The following FRMPD4 variants were observed in gnomAD, a reference collection of about 807,000 sequenced individuals.
The protein encoded by FRMPD4 is FERM and PDZ domain-containing protein 4.
A neutral mutation model predicts 94.1 loss-of-function variants in FRMPD4; 22 were observed. That is an observed-to-expected ratio of 0.23 (90% CI 0.17 to 0.33). The LOEUF is 0.33. Among genes scored for constraint, FRMPD4 ranks in the 10% least tolerant of loss-of-function variants. FRMPD4 has a pLI of 1.00. For missense variants in FRMPD4, 1,111 were observed against 1,339.9 expected, an observed-to-expected ratio of 0.83 and a Z score of 2.67; for synonymous variants, 631 against 548.6, an observed-to-expected ratio of 1.15 and a Z score of -2.10.
intron 3 of FRMPD4, among the ~76,000 whole-genome samples, chrX:12,083,100 G>A (rs1427870691): frequency 8.9e-6 from 1 of 112,552 alleles, no homozygotes; most frequent in Non-Finnish European, 1.9e-5. Flanking sequence ...TGGGGAAAAT[G>A]TCTCCAGGCC....
At chrX:12,362,254 C>T (rs1322867075) in intron 1 of FRMPD4, among the ~76,000 whole-genome samples, 2 of 108,693 alleles carry the variant, frequency 1.8e-5, no homozygotes, top group African/African-American at 3.4e-5. Context: ...ATGTGCACAA[C>T]GTGCAGGTTT....
chrX:12,388,818 G>GAT (rs3068660), intron 1 of FRMPD4, among the ~76,000 whole-genome samples: 1,963 of 60,550 alleles, frequency 0.032, 32 homozygotes, highest in East Asian at 0.078. Flanking sequence ...AAGAAAATGT[G>GAT]ATATATATAT....
intron 1 of FRMPD4, among the ~76,000 whole-genome samples, chrX:12,185,795 C>T (rs1388381644): frequency 9.0e-6 from 1 of 111,643 alleles, no homozygotes; most frequent in Non-Finnish European, 1.9e-5. Flanking sequence ...ATCATTGTAA[C>T]TTTATTGCAT....
intron 3 of FRMPD4, among the ~76,000 whole-genome samples, chrX:12,034,638 C>T (rs966612925): frequency 4.8e-4 from 54 of 111,872 alleles, no homozygotes; most frequent in African/African-American, 1.8e-3. Flanking sequence ...CTAGACCATT[C>T]GTTTCCAGTC....
chrX:12,005,185 T>C (rs73190518), intron 3 of FRMPD4, among the ~76,000 whole-genome samples: 8,184 of 109,259 alleles, frequency 0.075, 286 homozygotes, highest in Non-Finnish European at 0.12. Flanking sequence ...TCTCAAACTA[T>C]AGAGTGCTTA....
rs779174395 is a variant in FRMPD4 at position 12,605,990 on chromosome X, G to T, written c.159-3731G>T. 9.7e-4 allele frequency among the ~76,000 whole-genome samples: 109 copies of T among 112,288 alleles called. 1 individual carries two copies. The highest frequency in any genetic ancestry group is 8.8e-4 in the Non-Finnish European group (47 of 53,281). On this transcript the variant is annotated intron_variant, in intron 2 of 16. Transcript: ENST00000675598. The stretch of plus-strand genomic sequence containing the variant: ...GCAATCCCAGAAATGAGAATCCAGT[G>T]GGCGTTTTACGAATTGACTAAATGA...
chrX:11,931,896 C>T (rs184668954), intron 3 of FRMPD4, among the ~76,000 whole-genome samples: 1,805 of 111,691 alleles, frequency 0.016, 16 homozygotes, highest in South Asian at 0.032. Context: ...AAGAGTTGGC[C>T]GTGTTTCAGC....
intron 2 of FRMPD4, among the ~76,000 whole-genome samples, chrX:11,875,907 G>C (rs534840015): frequency 1.3e-5 from 1 of 79,939 alleles, no homozygotes; most frequent in Non-Finnish European, 2.2e-5. Context: ...ATGGAGTCTC[G>C]CTCTGTCGCC....
intron 1 of FRMPD4, among the ~76,000 whole-genome samples, chrX:12,391,002 T>G (rs778427646): frequency 8.9e-6 from 1 of 112,332 alleles, no homozygotes; most frequent in East Asian, 2.8e-4. Flanking sequence ...GAGTCAGTCC[T>G]TTGACATAGA....
intron 1 of FRMPD4, among the ~76,000 whole-genome samples, chrX:12,306,052 G>A (rs1255484808): frequency 1.1e-5 from 1 of 89,754 alleles, no homozygotes; most frequent in Non-Finnish European, 2.1e-5. Context: ...GATTTTGGTC[G>A]TTAATTTTAA....
At position 12,682,190 on chromosome X, in the gene FRMPD4, T is replaced by C. The variant is rs775665085; in HGVS notation, c.469-1293T>C. Among the ~76,000 whole-genome samples, 3 of 112,814 alleles carry C rather than the reference T, an allele frequency of 2.7e-5. No homozygotes were observed. The Admixed American group carries it at 2.8e-4, about 11-fold the overall frequency. ...TATTGTACAGATGGACCACATTTGA[T>C]TTATCTATTTCATCATATTGCTTTT... On this transcript the variant is annotated intron_variant, in intron 5 of 16. Coordinates refer to ENST00000675598, the MANE Select transcript of FRMPD4 (RefSeq NM_001368397.1).
chrX:12,264,093 G>A (rs760050374), intron 1 of FRMPD4, among the ~76,000 whole-genome samples: 1 of 111,625 alleles, frequency 9.0e-6, no homozygotes, highest in African/African-American at 3.3e-5. Context: ...GTGAAAGAAT[G>A]AGAAGAGTCA....
At chrX:12,651,478 T>G (rs769326454) in intron 4 of FRMPD4, among the ~76,000 whole-genome samples, 13 of 110,295 alleles carry the variant, frequency 1.2e-4, no homozygotes, top group African/African-American at 4.3e-4. Context: ...TGTACAGGCC[T>G]GTTATTATTA....
intron 1 of FRMPD4, among the ~76,000 whole-genome samples, chrX:12,247,412 G>A (rs1057174255): frequency 9.0e-6 from 1 of 111,362 alleles, no homozygotes; most frequent in Admixed American, 9.5e-5. Flanking sequence ...GGGAGTGCCC[G>A]AGCTCCAAAA....
At chrX:12,494,599 A>G (rs555351605) in intron 1 of FRMPD4, among the ~76,000 whole-genome samples, 3 of 111,603 alleles carry the variant, frequency 2.7e-5, no homozygotes, top group East Asian at 5.6e-4. Context: ...AGAGGCCTCC[A>G]GGTGGCTCCT....
chrX:12,283,058 T>A lies in FRMPD4; in HGVS notation c.41+144046T>A, dbSNP rs1218493619. On this transcript the variant is annotated intron_variant, in intron 1 of 16. Coordinates refer to ENST00000675598, the MANE Select transcript of FRMPD4 (RefSeq NM_001368397.1). ...AGAAAGTTCCAATGGACAGCGCTGA[T>A]CTAGACTGTATTAAAAGCTTGTTTC... Among the ~76,000 whole-genome samples the A allele has an allele frequency of 1.8e-4, 20 of 112,897 alleles. No individual in the cohort carries two copies. In the Admixed American group the frequency reaches 1.9e-3, roughly 11 times the overall value.
At chrX:12,136,326 CAA>C (rs57110936), upstream of FRMPD4, among the ~76,000 whole-genome samples, 9,902 of 84,019 alleles carry the variant, frequency 0.12, 442 homozygotes, top group African/African-American at 0.18. Context: ...AGATTCAGAC[CAA>C]AAAAAAAAAA....
chrX:12,140,823 A>G (rs2055679392), intron 1 of FRMPD4, among the ~76,000 whole-genome samples: 1 of 111,863 alleles, frequency 8.9e-6, no homozygotes, highest in East Asian at 2.8e-4. Context: ...GGCTGTGGGG[A>G]GAGTGGTATC....
chrX:12,055,191 G>A (rs1265135770), intron 3 of FRMPD4, among the ~76,000 whole-genome samples: 3 of 112,079 alleles, frequency 2.7e-5, no homozygotes, highest in Non-Finnish European at 5.6e-5. Context: ...GAAGATAAGA[G>A]TTTGCCTGCT....
Sources: allele counts gnomAD v4.1 joint callset (sites outside exome capture counted in the v4.1 genomes callset), GRCh38; gene constraint gnomAD v4.1.1; transcripts MANE v1.5; gene names NCBI Gene and HGNC (gene_info 2026-07-23, HGNC 2026-07-21).